The following USP34 variants were observed in gnomAD, a reference collection of about 807,000 sequenced individuals.
The protein encoded by USP34 is ubiquitin carboxyl-terminal hydrolase 34.
A neutral mutation model predicts 460.3 loss-of-function variants in USP34; 70 were observed. The observed-to-expected ratio is 0.15, with a 90% CI of 0.13 to 0.19. The LOEUF is 0.19. Ranked by LOEUF, USP34 falls within the 10% of genes least tolerant of loss-of-function variation. USP34 has a pLI of 1.00. For missense variants in USP34, 3,985 were observed against 4,236.2 expected, an observed-to-expected ratio of 0.94 and a Z score of 1.65; for synonymous variants, 1,647 against 1,405.3, an observed-to-expected ratio of 1.17 and a Z score of -3.85.
intron 19 of USP34, among the ~76,000 whole-genome samples, chr2:61,332,739 G>C (rs1317368775): frequency 6.6e-6 from 1 of 151,962 alleles, no homozygotes; most frequent in East Asian, 1.9e-4. Context: ...CCTTTTGGAA[G>C]CTGAAGGACC....
rs190228074 is a variant in USP34, at chr2:61,427,091, G to A, written c.44-6258C>T. ...TGCCCAGGCTGGAGTGCAGTGGCACGATCTCGGCTTACTGCAAGCTCTGCC... is the reference window on the plus strand; with the variant it reads ...TGCCCAGGCTGGAGTGCAGTGGCACAATCTCGGCTTACTGCAAGCTCTGCC... On this transcript the variant is annotated intron_variant, in intron 1 of 79. Transcript: ENST00000398571. Among the ~76,000 whole-genome samples, 4 of 152,250 alleles carry A rather than the reference G, an allele frequency of 2.6e-5. No homozygotes were observed. The East Asian group carries it at 5.8e-4, about 22-fold the overall frequency.
At chr2:61,395,458 A>T (rs1693487864) in intron 3 of USP34, among the ~76,000 whole-genome samples, 1 of 152,124 alleles carries the variant, frequency 6.6e-6, no homozygotes, top group African/African-American at 2.4e-5. Context: ...ACTACACACT[A>T]TTTTGCCTTA....
At position 61,190,592 on chromosome 2, in the gene USP34, A is replaced by T. The variant is rs922406349; in HGVS notation, c.9655T>A (p.Cys3219Ser). The change falls in exon 77 of 80, where the codon TGT becomes AGT. Residue 3219 changes from cysteine to serine, a missense_variant. Physicochemically the swap from Cys to Ser is moderately radical, Grantham distance 112. Transcript: ENST00000398571. ...EDPVFAEYIK[C>S]ILMDERTFLN... is the part of the protein sequence containing the mutation. The stretch of plus-strand genomic sequence containing the variant: ...AAAGTTCTTTCATCCATTAGGATAC[A>T]TTTAATATATTCTGCGAAAACAGGA... 6.2e-7 allele frequency: 1 copy of T among 1,613,994 alleles called. No individual in the cohort carries two copies. Among genetic ancestry groups the T allele is most frequent in the Non-Finnish European group, 8.5e-7 (1 of 1,179,998 alleles).
chr2:61,434,961 G>T (rs928709665), intron 1 of USP34, among the ~76,000 whole-genome samples: 6 of 152,020 alleles, frequency 3.9e-5, no homozygotes, highest in South Asian at 2.1e-4. Context: ...GGGAATACAG[G>T]TAAGAACTTT....
chr2:61,332,966 G>T (rs1283731036), intron 19 of USP34, among the ~76,000 whole-genome samples: 1 of 152,012 alleles, frequency 6.6e-6, no homozygotes, highest in Non-Finnish European at 1.5e-5. Context: ...ACTCCACTGT[G>T]AAAGCAAGCA....
chr2:61,284,693 T>TAAA (rs1253196185), intron 35 of USP34, among the ~76,000 whole-genome samples, 182 bp downstream of exon 35: 1 of 152,110 alleles, frequency 6.6e-6, no homozygotes, highest in African/African-American at 2.4e-5. Flanking sequence ...ACGTGACTCA[T>TAAA]AAATACAAGA....
chr2:61,230,323 C>T (rs1173195564), intron 58 of USP34, among the ~76,000 whole-genome samples: 1 of 151,972 alleles, frequency 6.6e-6, no homozygotes, highest in South Asian at 2.1e-4. Context: ...GTCAGGAGTT[C>T]GAGACCAGCC....
intron 1 of USP34, among the ~76,000 whole-genome samples, chr2:61,460,913 G>GT (rs2104099969): frequency 6.6e-6 from 1 of 151,274 alleles, no homozygotes; most frequent in Admixed American, 6.6e-5. Flanking sequence ...AACCTGGGAG[G>GT]TGGAGGTCCA....
intron 12 of USP34, 103 bp from the exon 13 acceptor site, chr2:61,349,388 G>T: frequency 8.5e-7 from 1 of 1,173,534 alleles, no homozygotes; most frequent in Non-Finnish European, 1.2e-6. Context: ...AGATGTAAGT[G>T]GAGAAACCTG....
intron 5 of USP34, among the ~76,000 whole-genome samples, chr2:61,394,616 T>C (rs749767016): frequency 2.7e-5 from 4 of 147,164 alleles, no homozygotes; most frequent in Non-Finnish European, 4.5e-5. Context: ...TTAGATAAAA[T>C]AGATAATTAT....
intron 2 of USP34, among the ~76,000 whole-genome samples, chr2:61,410,720 A>T (rs1558578591): frequency 6.6e-6 from 1 of 152,226 alleles, no homozygotes; most frequent in Non-Finnish European, 1.5e-5. Flanking sequence ...ACACTCTAGA[A>T]AAACAGAAAT....
chr2:61,456,532 T>C (rs1407172572), intron 1 of USP34, among the ~76,000 whole-genome samples: 1 of 152,128 alleles, frequency 6.6e-6, no homozygotes, highest in Non-Finnish European at 1.5e-5. Flanking sequence ...AATGGTGCAG[T>C]AGTGCTGGGC....
chr2:61,188,508 A>G lies in USP34; in HGVS notation c.10235T>C (p.Val3412Ala). The change falls in exon 80 of 80, where the codon GTT becomes GCT. Residue 3412 changes from valine to alanine, a missense_variant. This residue lies in a region of USP34 where 506 missense variants were observed against 439.0 expected (regional missense o/e 1.15). Coordinates refer to ENST00000398571, the MANE Select transcript of USP34 (RefSeq NM_014709.4). Reference protein sequence around the residue: ...QDLPSPENSSVKEYRMEVPSS... With the variant: ...QDLPSPENSSAKEYRMEVPSS... ...TGGAACTTCCATTCGGTATTCTTTA[A>G]CAGAACTATTTTCAGGGGAAGGAAG... is the stretch of plus-strand genomic sequence containing the variant. 6.2e-7 allele frequency: 1 copy of G among 1,614,200 alleles called. No homozygotes were observed. Among genetic ancestry groups the G allele is most frequent in the Non-Finnish European group, 8.5e-7 (1 of 1,180,036 alleles).
At chr2:61,328,227 A>T (rs984766141) in intron 20 of USP34, among the ~76,000 whole-genome samples, 2 of 151,618 alleles carry the variant, frequency 1.3e-5, no homozygotes, top group Non-Finnish European at 2.9e-5. Context: ...ACTTAAACCC[A>T]GGAGGTGGAG....
At chr2:61,409,719 GTAAA>G (rs1283404778) in intron 2 of USP34, among the ~76,000 whole-genome samples, 4 of 151,924 alleles carry the variant, frequency 2.6e-5, no homozygotes, top group Admixed American at 2.0e-4. Context: ...ATCTCAAAAA[GTAAA>G]TAAATAAATA....
intron 33 of USP34, among the ~76,000 whole-genome samples, chr2:61,292,327 C>T (rs1034405069): frequency 2.0e-5 from 3 of 152,032 alleles, no homozygotes; most frequent in African/African-American, 4.8e-5. Flanking sequence ...ACAGGAAATA[C>T]CAGTTGACCT....
chr2:61,293,821 C>A (rs1689934490), intron 32 of USP34, among the ~76,000 whole-genome samples: 1 of 151,902 alleles, frequency 6.6e-6, no homozygotes, highest in Admixed American at 6.6e-5. Flanking sequence ...TTGAGACCAG[C>A]CTAGACAACA....
chr2:61,226,542 T>C (rs2103820726), intron 62 of USP34, among the ~76,000 whole-genome samples: 1 of 152,320 alleles, frequency 6.6e-6, no homozygotes, highest in East Asian at 1.9e-4. Flanking sequence ...TTTTACTTAG[T>C]AATAGATCCT....
At chr2:61,246,182 C>A in intron 50 of USP34, 142 bp downstream of exon 50, 1 of 525,468 alleles carries the variant, frequency 1.9e-6, no homozygotes, top group East Asian at 3.3e-5. Flanking sequence ...TTTACACTGT[C>A]TGTTGAAAGT....
Sources: gnomAD v4.1 joint callset for allele counts (sites outside exome capture counted in the v4.1 genomes callset) on GRCh38, gnomAD v4.1.1 for gene constraint, gnomAD v4.1.1 regional missense constraint, MANE v1.5 for transcripts, NCBI Gene and HGNC (gene_info 2026-07-23, HGNC 2026-07-21) for gene names.